The following PTPRG variants were observed in gnomAD, a reference collection of about 807,000 sequenced individuals.
The protein encoded by PTPRG is receptor-type tyrosine-protein phosphatase gamma.
A neutral mutation model predicts 165.3 loss-of-function variants in PTPRG; 102 were observed. The observed-to-expected ratio is 0.62, with a 90% CI of 0.53 to 0.73. PTPRG has a LOEUF of 0.73. PTPRG is among the 30% of genes least tolerant of loss of function. The probability of loss-of-function intolerance (pLI) is 0.00; values close to 1 mark genes in which losing one functional copy is unlikely to be tolerated. For synonymous variants in PTPRG, 675 were observed against 669.5 expected, an observed-to-expected ratio of 1.01 and a Z score of -0.13; for missense variants, 1,866 against 1,861.4, an observed-to-expected ratio of 1.00 and a Z score of -0.05.
intron 2 of PTPRG, among the ~76,000 whole-genome samples, chr3:61,915,062 C>T (rs189790891): frequency 1.5e-3 from 231 of 152,272 alleles, no homozygotes; most frequent in African/African-American, 5.3e-3. Context: ...AACCCCGTCT[C>T]TACTGAAAAT....
intron 1 of PTPRG, among the ~76,000 whole-genome samples, chr3:61,651,462 T>C (rs1389302673): frequency 2.0e-5 from 3 of 152,186 alleles, no homozygotes; most frequent in African/African-American, 7.2e-5. Context: ...AGTGGTTGTT[T>C]ATCCTGAACG....
chr3:62,129,887 T>C (rs1703449917), intron 5 of PTPRG, among the ~76,000 whole-genome samples: 1 of 152,188 alleles, frequency 6.6e-6, no homozygotes, highest in Admixed American at 6.5e-5. Context: ...CAGCAAATGT[T>C]GTGTCTTGTG....
rs200673288 is a variant in PTPRG at position 62,203,553 on chromosome 3, C to T, written c.1758C>T (p.Ser586=). Residue 586 remains serine (S), a synonymous_variant, in exon 12 of 30, where the codon AGC becomes AGT. Transcript: ENST00000474889. The surrounding 1 kb of genome is among the most constrained non-coding windows in gnomAD (Gnocchi z 6.4). The part of the protein sequence containing the change: ...GTEEGEKDEK[S]ESEDGEREHE... ...AGGAAGGAGAGAAGGATGAGAAAAG[C>T]GAGAGTGAGGATGGGGAGCGGGAGC... is the stretch of plus-strand genomic sequence containing the variant. 3.1e-5 allele frequency: 48 copies of T among 1,552,958 alleles called. No individual in the cohort carries two copies. In the African/African-American group the frequency reaches 4.8e-4, roughly 15 times the overall value.
chr3:61,990,406 C>A (rs1418785744), intron 3 of PTPRG, among the ~76,000 whole-genome samples: 8 of 152,228 alleles, frequency 5.3e-5, no homozygotes, highest in African/African-American at 1.9e-4. Flanking sequence ...TGAACTGTCT[C>A]ATCCCTTTGT....
At chr3:61,975,702 A>G (rs928236388) in intron 2 of PTPRG, among the ~76,000 whole-genome samples, 1 of 152,074 alleles carries the variant, frequency 6.6e-6, no homozygotes, top group Non-Finnish European at 1.5e-5. Context: ...TTTGCTGTCA[A>G]TATAAATATA....
chr3:61,572,165 A>G (rs1390548946), intron 1 of PTPRG, among the ~76,000 whole-genome samples: 1 of 152,180 alleles, frequency 6.6e-6, no homozygotes, highest in Admixed American at 6.5e-5. Flanking sequence ...TAACCTTGCT[A>G]CGGATTATCC....
At chr3:61,800,003 G>A in intron 2 of PTPRG, among the ~76,000 whole-genome samples, 1 of 152,180 alleles carries the variant, frequency 6.6e-6, no homozygotes. Flanking sequence ...TGTGTACCTG[G>A]AAGGTAATTT....
intron 2 of PTPRG, chr3:61,749,649 C>T (rs768387380): frequency 1.9e-5 from 3 of 154,228 alleles, no homozygotes; most frequent in Admixed American, 6.4e-5. Flanking sequence ...CTTCCCAAAA[C>T]TCCCAAAATA....
At chr3:62,242,732 C>T (rs1378719959) in intron 14 of PTPRG, among the ~76,000 whole-genome samples, 2 of 152,076 alleles carry the variant, frequency 1.3e-5, no homozygotes, top group African/African-American at 4.8e-5. Context: ...GGAATCATCC[C>T]AGGATATTTT....
intron 1 of PTPRG, among the ~76,000 whole-genome samples, chr3:61,746,662 C>T (rs2033218935): frequency 6.6e-6 from 1 of 152,244 alleles, no homozygotes; most frequent in South Asian, 2.1e-4. Context: ...TGTGCCCATA[C>T]CTGAATGCAT....
chr3:62,086,966 A>T (rs1195927288), intron 5 of PTPRG, among the ~76,000 whole-genome samples: 4 of 152,238 alleles, frequency 2.6e-5, no homozygotes, highest in South Asian at 2.1e-4. Flanking sequence ...TAATTAAGAG[A>T]CTTTGAATTC....
chr3:61,670,105 G>C (rs945106985), intron 1 of PTPRG, among the ~76,000 whole-genome samples: 2 of 152,308 alleles, frequency 1.3e-5, no homozygotes, highest in Admixed American at 1.3e-4. Context: ...AGCCCTGTGG[G>C]AAGATGTGAA....
intron 2 of PTPRG, among the ~76,000 whole-genome samples, chr3:61,917,655 C>T (rs1402627707): frequency 3.9e-5 from 6 of 152,174 alleles, no homozygotes; most frequent in East Asian, 1.9e-4. Flanking sequence ...AAAGGCGGGG[C>T]GTGGTGGCTC....
At chr3:61,715,630 C>T (rs1426956734) in intron 1 of PTPRG, among the ~76,000 whole-genome samples, 1 of 152,150 alleles carries the variant, frequency 6.6e-6, no homozygotes, top group Non-Finnish European at 1.5e-5. Context: ...GTTCCTGGAG[C>T]AGGAGTGAGT....
intron 4 of PTPRG, among the ~76,000 whole-genome samples, chr3:62,069,155 T>C (rs989463079): frequency 6.6e-6 from 1 of 152,216 alleles, no homozygotes; most frequent in Non-Finnish European, 1.5e-5. Flanking sequence ...TCAGGACATA[T>C]TGTAAGAGAA....
chr3:61,785,479 C>T (rs760592128), intron 2 of PTPRG, among the ~76,000 whole-genome samples: 1 of 152,054 alleles, frequency 6.6e-6, no homozygotes, highest in Non-Finnish European at 1.5e-5. Flanking sequence ...AAGACCTTCC[C>T]AAATCCTTAG....
chr3:61,669,938 T>C (rs1220061724), intron 1 of PTPRG, among the ~76,000 whole-genome samples: 2 of 152,112 alleles, frequency 1.3e-5, no homozygotes, highest in Non-Finnish European at 2.9e-5. Flanking sequence ...AGAGGTAGCT[T>C]GGTAGGGTGG....
intron 12 of PTPRG, among the ~76,000 whole-genome samples, chr3:62,205,746 AT>A (rs774163620): frequency 6.6e-6 from 1 of 152,110 alleles, no homozygotes; most frequent in Non-Finnish European, 1.5e-5. Flanking sequence ...GAGGGGATGG[AT>A]TTAGAGATTG....
At chr3:62,292,633 C>T (rs1702939902) in intron 29 of PTPRG, 77 bp downstream of exon 29, 2 of 1,522,042 alleles carry the variant, frequency 1.3e-6, no homozygotes, top group South Asian at 1.3e-5. Context: ...CAGTAGTTCT[C>T]AATTGGGGGT....
Sources: allele counts gnomAD v4.1 joint callset (sites outside exome capture counted in the v4.1 genomes callset), GRCh38; gene constraint gnomAD v4.1.1; non-coding constraint Gnocchi (gnomAD v3.1); transcripts MANE v1.5; gene names NCBI Gene and HGNC (gene_info 2026-07-23, HGNC 2026-07-21).